Variants in CDC45 observed in about 807,000 individuals in gnomAD.
CDC45 encodes the protein cell division control protein 45 homolog.
CDC45 carries 54 observed loss-of-function variants against 77.8 expected under a neutral mutation model. The observed-to-expected ratio is 0.69, with a 90% CI of 0.56 to 0.87. The LOEUF is 0.87. Ranked by LOEUF, CDC45 falls within the 40% of genes least tolerant of loss-of-function variation. The pLI is 0.00. For synonymous variants in CDC45, 260 were observed against 272.1 expected (o/e 0.96, Z 0.44); for missense variants, 649 against 721.6 (o/e 0.90, Z 1.15).
In CDC45 at chr22:19,494,334, T is replaced by A. The variant is rs2090203493; in HGVS notation, c.494T>A (p.Val165Glu). The A allele has an allele frequency of 6.2e-7, 1 of 1,612,624 alleles. No homozygotes were observed. Among genetic ancestry groups the A allele is most frequent in the Admixed American group, 1.7e-5 (1 of 59,984 alleles). ...EKRTRLEEEI[V>E]EQTMRRRQRR... Reference sequence around the variant, plus strand: ...TCTTTGTCCCTGTATCAGGAGATAGTGGAGCAAACCATGCGGAGGAGGCAG... The same window carrying A: ...TCTTTGTCCCTGTATCAGGAGATAGAGGAGCAAACCATGCGGAGGAGGCAG... The change falls in exon 6 of 19, where the codon GTG becomes GAG. Residue 165 changes from valine (V) to glutamate (E), a missense_variant. Coordinates refer to ENST00000263201, the MANE Select transcript of CDC45 (RefSeq NM_003504.5).
chr22:19,509,137 G>T (rs1933377048), intron 13 of CDC45, among the ~76,000 whole-genome samples: 1 of 151,626 alleles, frequency 6.6e-6, no homozygotes, highest in Admixed American at 6.6e-5. Flanking sequence ...CTTTTTTTTA[G>T]CATGTCTGTC....
rs992319893 is a variant in CDC45, at chr22:19,503,529, A to G, written c.705-1833A>G. On this transcript the variant is annotated intron_variant, in intron 9 of 18. Coordinates refer to ENST00000263201, the MANE Select transcript of CDC45 (RefSeq NM_003504.5). The stretch of plus-strand genomic sequence containing the variant: ...GTCTCTGGGCAAGATGAAAAAGTAT[A>G]TGGTCAACCTGAGTTAGGCCTGCTG... Among the ~76,000 whole-genome samples the G allele has an allele frequency of 5.3e-5, 8 of 152,326 alleles. No individual in the cohort carries two copies. In the South Asian group the frequency reaches 1.0e-3, roughly 20 times the overall value.
chr22:19,490,754 T>G (rs2090141850), intron 5 of CDC45, among the ~76,000 whole-genome samples: 1 of 152,166 alleles, frequency 6.6e-6, no homozygotes, highest in Non-Finnish European at 1.5e-5. Context: ...GTTATTACAT[T>G]ACATATCCAT....
intron 12 of CDC45, among the ~76,000 whole-genome samples, chr22:19,508,209 T>C (rs1933312569): frequency 1.3e-5 from 2 of 152,168 alleles, no homozygotes; most frequent in Non-Finnish European, 2.9e-5. Context: ...TCAGGTGAAC[T>C]CTGCCCGACC....
rs1933288993 is a variant in CDC45, at chr22:19,507,882, T to C, written c.1055+18T>C. 2.0e-6 allele frequency: 3 copies of C among 1,491,086 alleles called. No homozygotes were observed. The highest frequency in any genetic ancestry group is 2.8e-6 in the Non-Finnish European group (3 of 1,076,012). The allele number at this position is 1,491,086 out of a possible 1,614,324, so 92.4% of individuals were successfully genotyped here. On this transcript the variant is annotated intron_variant, in intron 12 of 18. Transcript: ENST00000263201. ...AAATTTGGGTAAACACACATTTTTC[T>C]GGATTTATCTTCATTACATCCAGGT...
chr22:19,479,950 G>T lies in CDC45; in HGVS notation c.-19G>T. ...CTTGGTACCTCAGCGCGAGCGCCAG[G>T]CGTCCGGCCGCCGTGGCTATGTTCG... On this transcript the variant is annotated 5_prime_UTR_variant, in exon 1 of 19. Transcript: ENST00000263201. The T allele has an allele frequency of 6.2e-7, 1 of 1,612,584 alleles. No homozygotes were observed. Among genetic ancestry groups the T allele is most frequent in the South Asian group, 1.1e-5 (1 of 91,054 alleles).
chr22:19,513,621 T>C (rs894204319), intron 13 of CDC45, among the ~76,000 whole-genome samples: 3 of 152,216 alleles, frequency 2.0e-5, no homozygotes, highest in African/African-American at 7.2e-5. Flanking sequence ...ATCTTGGCTG[T>C]GCCTCTTAGT....
intron 8 of CDC45, among the ~76,000 whole-genome samples, chr22:19,498,735 T>C (rs1247405215): frequency 6.6e-6 from 1 of 152,168 alleles, no homozygotes; most frequent in Non-Finnish European, 1.5e-5. Flanking sequence ...GCCATGATAC[T>C]GTATCAACTC....
intron 6 of CDC45, among the ~76,000 whole-genome samples, chr22:19,495,168 A>G (rs909196604): frequency 6.6e-6 from 1 of 152,244 alleles, no homozygotes; most frequent in Admixed American, 6.5e-5. Context: ...TTGGGTTTCT[A>G]TTCCTGGGTT....
chr22:19,507,478 A>C lies in CDC45; in HGVS notation c.917A>C (p.His306Pro), dbSNP rs765222883. The change falls in exon 11 of 19, where the codon CAT becomes CCT. Residue 306 changes from histidine (H) to proline (P), a missense_variant. Transcript: ENST00000263201. ...GCCAGGTTCAAGCTGTGGTCTGTGC[A>C]TGGACAGAAGCGGCTCCAGGAGTTC... ...TAARFKLWSV[H>P]GQKRLQEFLA... 1.9e-6 allele frequency: 3 copies of C among 1,614,096 alleles called. No homozygotes were observed. In the African/African-American group the frequency reaches 4.0e-5, roughly 22 times the overall value.
intron 18 of CDC45, among the ~76,000 whole-genome samples, chr22:19,519,280 G>A (rs754664947): frequency 2.6e-5 from 4 of 152,204 alleles, no homozygotes; most frequent in Non-Finnish European, 5.9e-5. Flanking sequence ...CGTGTCAGGC[G>A]CTGGGCAAGA....
intron 1 of CDC45, 69 bp downstream of exon 1, chr22:19,480,088 G>T (rs944849953): frequency 2.9e-5 from 47 of 1,612,458 alleles, no homozygotes; most frequent in Middle Eastern, 1.6e-4. Context: ...AGCGACCGTG[G>T]GTGACCGGGA....
intron 4 of CDC45, 101 bp downstream of exon 4, chr22:19,482,928 G>A: frequency 9.2e-7 from 1 of 1,091,172 alleles, no homozygotes; most frequent in Non-Finnish European, 1.4e-6. Flanking sequence ...CTACCCTGTG[G>A]GACTGGGAAC....
At chr22:19,486,206 A>T (rs1301849254) in intron 5 of CDC45, among the ~76,000 whole-genome samples, 1 of 152,116 alleles carries the variant, frequency 6.6e-6, no homozygotes, top group Non-Finnish European at 1.5e-5. Context: ...GATATTCTAC[A>T]CATTCTTTCA....
intron 9 of CDC45, 102 bp downstream of exon 9, chr22:19,499,253 C>A: frequency 8.2e-7 from 1 of 1,216,406 alleles, no homozygotes; most frequent in South Asian, 1.2e-5. Flanking sequence ...CCTGTAGGGT[C>A]CTATTGAGAA....
upstream of CDC45, chr22:19,479,488 C>G (rs2089935825): frequency 5.0e-6 from 3 of 600,984 alleles, no homozygotes; most frequent in Admixed American, 2.2e-5. Flanking sequence ...CTTCAGCCAT[C>G]GAGGACTCGG....
At chr22:19,496,948 G>A (rs962757487) in intron 7 of CDC45, among the ~76,000 whole-genome samples, 1 of 152,116 alleles carries the variant, frequency 6.6e-6, no homozygotes, top group East Asian at 1.9e-4. Flanking sequence ...GCCTTCCTGG[G>A]AATGTGTTTG....
chr22:19,519,305 C>T (rs374772440), intron 18 of CDC45, among the ~76,000 whole-genome samples: 1 of 152,216 alleles, frequency 6.6e-6, no homozygotes, highest in East Asian at 1.9e-4. Context: ...GCAGAGCAGC[C>T]ATCCGGGCTT....
At chr22:19,500,350 G>A (rs1473407060) in intron 9 of CDC45, among the ~76,000 whole-genome samples, 1 of 152,106 alleles carries the variant, frequency 6.6e-6, no homozygotes, top group Non-Finnish European at 1.5e-5. Flanking sequence ...AGGGCAGGGG[G>A]AGGGGAGAAA....
Sources: gnomAD v4.1 joint callset for allele counts (sites outside exome capture counted in the v4.1 genomes callset) on GRCh38, gnomAD v4.1.1 for gene constraint, MANE v1.5 for transcripts, NCBI Gene and HGNC (gene_info 2026-07-23, HGNC 2026-07-21) for gene names.